Variants in ABCA4 observed in about 807,000 individuals in gnomAD.
ABCA4 encodes the protein ATP binding cassette subfamily A member 4.
ABCA4 carries 196 observed loss-of-function variants against 263.7 expected under a neutral mutation model. That is an observed-to-expected ratio of 0.74 (90% CI 0.66 to 0.84). The LOEUF (loss-of-function observed/expected upper bound fraction) is 0.84. Ranked by LOEUF, ABCA4 falls within the 40% of genes least tolerant of loss-of-function variation. ABCA4 has a pLI of 0.00. For missense variants in ABCA4, 2,792 were observed against 2,855.1 expected, an observed-to-expected ratio of 0.98 and a Z score of 0.50; for synonymous variants, 1,133 against 1,094.2, an observed-to-expected ratio of 1.04 and a Z score of -0.70.
At chr1:94,049,572 C>T (rs1344909339) in intron 17 of ABCA4, among the ~76,000 whole-genome samples, 1 of 152,032 alleles carries the variant, frequency 6.6e-6, no homozygotes, top group Non-Finnish European at 1.5e-5. Context: ...TGCAGTGAGC[C>T]GAGATAGTGC....
intron 15 of ABCA4, among the ~76,000 whole-genome samples, 195 bp downstream of exon 15, chr1:94,056,406 G>A (rs1422305658): frequency 1.3e-5 from 2 of 152,206 alleles, no homozygotes; most frequent in African/African-American, 4.8e-5. Context: ...GGCGTGGTGA[G>A]GAGTCACTGT....
intron 39 of ABCA4, 130 bp from the exon 40 acceptor site, chr1:94,011,059 G>T: frequency 6.4e-7 from 1 of 1,564,522 alleles, no homozygotes; most frequent in East Asian, 2.3e-5. Context: ...CGCCTCATAA[G>T]GGCTGCCCTC....
intron 21 of ABCA4, 115 bp from the exon 22 acceptor site, chr1:94,043,013 C>T: frequency 6.9e-7 from 1 of 1,447,360 alleles, no homozygotes; most frequent in Non-Finnish European, 9.7e-7. Context: ...TTGGTGCTGC[C>T]TCTTAGATGT....
intron 8 of ABCA4, among the ~76,000 whole-genome samples, chr1:94,080,075 T>A (rs903976637): frequency 2.0e-5 from 3 of 152,046 alleles, no homozygotes; most frequent in Non-Finnish European, 4.4e-5. Flanking sequence ...ACTACACACA[T>A]AGATTTTCAC....
intron 47 of ABCA4, 30 bp from the exon 48 acceptor site, chr1:93,998,140 C>T (rs1659063823): frequency 1.9e-6 from 3 of 1,613,794 alleles, no homozygotes; most frequent in African/African-American, 1.3e-5. Context: ...CAGGACAGGC[C>T]TCTGTTAGTG....
At chr1:94,115,814 CTTG>C (rs1662744179) in intron 1 of ABCA4, among the ~76,000 whole-genome samples, 1 of 152,170 alleles carries the variant, frequency 6.6e-6, no homozygotes, top group Non-Finnish European at 1.5e-5. Context: ...TATCTGCAAC[CTTG>C]TAGGCCTGCC....
intron 38 of ABCA4, among the ~76,000 whole-genome samples, chr1:94,014,323 C>T (rs754711979): frequency 1.5e-4 from 18 of 117,028 alleles, no homozygotes; most frequent in South Asian, 1.1e-3. Context: ...GAAGGAGGGA[C>T]GGGGGAAGGA....
chr1:93,996,654 CT>C, intron 48 of ABCA4, among the ~76,000 whole-genome samples: 1 of 152,230 alleles, frequency 6.6e-6, no homozygotes, highest in East Asian at 1.9e-4. Flanking sequence ...GTTTCCACTG[CT>C]TTACTGAACT....
intron 23 of ABCA4, among the ~76,000 whole-genome samples, 160 bp from the exon 24 acceptor site, chr1:94,040,287 G>T (rs1219096193): frequency 6.6e-6 from 1 of 152,156 alleles, no homozygotes; most frequent in Non-Finnish European, 1.5e-5. Flanking sequence ...ATTCATCTGA[G>T]CATTTTGAGG....
Position 94,042,798 on chromosome 1 carries a change from T to C in ABCA4, c.3291A>G (p.Arg1097=), listed in dbSNP as rs61750118. The C allele has an allele frequency of 1.7e-5, 27 of 1,614,038 alleles. No individual in the cohort carries two copies. The highest frequency in any genetic ancestry group is 1.9e-5 in the Non-Finnish European group (23 of 1,180,042). The change falls in exon 22 of 50, where the codon AGA becomes AGG. Residue 1097 remains arginine (R), a synonymous_variant. Transcript: ENST00000370225. The stretch of plus-strand genomic sequence containing the variant: ...TCAGGAGCAGATCCCAGATTGAGCG[T>C]CTCGAGTAAGGGTCCACCCCAGAGG... ...EPTSGVDPYS[R]RSIWDLLLKY... is the part of the protein sequence containing the mutation.
chr1:94,063,660 G>A (rs909535690), intron 11 of ABCA4, among the ~76,000 whole-genome samples: 3 of 152,218 alleles, frequency 2.0e-5, no homozygotes, highest in African/African-American at 7.2e-5. Flanking sequence ...AGGCGAGGGA[G>A]TGGGGTCACA....
chr1:94,075,971 C>A (rs1026139778), intron 11 of ABCA4, among the ~76,000 whole-genome samples: 1 of 152,138 alleles, frequency 6.6e-6, no homozygotes, highest in African/African-American at 2.4e-5. Flanking sequence ...AATGACTAAA[C>A]CTCCATCAAA....
chr1:94,000,812 G>C, intron 47 of ABCA4, 24 bp downstream of exon 47: 1 of 1,612,064 alleles, frequency 6.2e-7, no homozygotes, highest in Non-Finnish European at 8.5e-7. Context: ...AGGCAACAAG[G>C]GGCACGCCCC....
intron 11 of ABCA4, among the ~76,000 whole-genome samples, chr1:94,072,465 T>A (rs1326317032): frequency 6.6e-6 from 1 of 152,244 alleles, no homozygotes; most frequent in African/African-American, 2.4e-5. Context: ...GTATTTCATC[T>A]GTGCCAGGCC....
chr1:94,107,209 A>C (rs931375133), intron 4 of ABCA4, among the ~76,000 whole-genome samples: 2 of 152,106 alleles, frequency 1.3e-5, no homozygotes, highest in Non-Finnish European at 2.9e-5. Context: ...CCTTAGAGTC[A>C]ACTCCCTAAT....
intron 24 of ABCA4, among the ~76,000 whole-genome samples, 188 bp from the exon 25 acceptor site, chr1:94,037,538 T>C (rs774040305): frequency 6.6e-6 from 1 of 151,780 alleles, no homozygotes; most frequent in Non-Finnish European, 1.5e-5. Context: ...CCTGAGATCA[T>C]CATTGAGAGG....
In ABCA4 at chr1:94,005,481, T is replaced by C. The variant is rs878853398; in HGVS notation, c.6107A>G (p.Tyr2036Cys). The C allele has an allele frequency of 6.2e-7, 1 of 1,614,152 alleles. No individual in the cohort carries two copies. ...TGCTGGTACACCTCGAAGCCGGGCA[T>C]AAAGGTAAAGATGTTCTCGTCCTGT... Reference protein sequence around the residue: ...LLTGREHLYLYARLRGVPAEE... With the variant: ...LLTGREHLYLCARLRGVPAEE... Residue 2036 changes from tyrosine (Y) to cysteine (C), a missense_variant, in exon 44 of 50, where the codon TAT becomes TGT. By Grantham distance (194) the Tyr-to-Cys change is radical (BLOSUM62 -2). Coordinates refer to ENST00000370225, the MANE Select transcript of ABCA4 (RefSeq NM_000350.3).
chr1:94,111,625 C>T, intron 2 of ABCA4, 46 bp from the exon 3 acceptor site: 1 of 1,611,216 alleles, frequency 6.2e-7, no homozygotes. Flanking sequence ...TCATGGAGAC[C>T]AAGCAGGATG....
intron 6 of ABCA4, among the ~76,000 whole-genome samples, chr1:94,093,421 G>C (rs1328726461): frequency 6.6e-6 from 1 of 152,192 alleles, no homozygotes; most frequent in Non-Finnish European, 1.5e-5. Flanking sequence ...CTGTTCTGTA[G>C]AGATAAAACA....
Sources: gnomAD v4.1 joint callset for allele counts (sites outside exome capture counted in the v4.1 genomes callset) on GRCh38, gnomAD v4.1.1 for gene constraint, MANE v1.5 for transcripts, NCBI Gene and HGNC (gene_info 2026-07-23, HGNC 2026-07-21) for gene names.